Variants in CTC1 observed in about 807,000 individuals in gnomAD.
CTC1 encodes the protein CST telomere replication complex component 1.
A neutral mutation model predicts 136.3 loss-of-function variants in CTC1; 91 were observed. The observed-to-expected ratio is 0.67, with a 90% CI of 0.56 to 0.79. The LOEUF (loss-of-function observed/expected upper bound fraction) is 0.79. CTC1 is among the 30% of genes least tolerant of loss of function. The pLI is 0.00. For synonymous variants in CTC1, 606 were observed against 613.8 expected (o/e 0.99, Z 0.19); for missense variants, 1,432 against 1,498.1 (o/e 0.96, Z 0.73).
intron 1 of CTC1, among the ~76,000 whole-genome samples, chr17:8,243,997 C>A (rs370303302): frequency 6.6e-6 from 1 of 152,016 alleles, no homozygotes; most frequent in Non-Finnish European, 1.5e-5. Context: ...GAGCCTGGGG[C>A]GGTTGAAACT....
chr17:8,234,482 C>T lies in CTC1; in HGVS notation c.1791G>A (p.Leu597=), dbSNP rs1366232378. The stretch of plus-strand genomic sequence containing the variant: ...GGGCTGGGCAGAAGGCAGAGGGCAG[C>T]AGACAGAGCCAGGACCAAGCCAGGC... The part of the protein sequence containing the change: ...NRRLAWSWLC[L]LPSAFCPAQV... Residue 597 remains leucine, a synonymous_variant, in exon 10 of 23, where the codon CTG becomes CTA. Coordinates refer to ENST00000651323, the MANE Select transcript of CTC1 (RefSeq NM_025099.6). The T allele has an allele frequency of 4.5e-6, 7 of 1,552,418 alleles. No homozygotes were observed. Among genetic ancestry groups the T allele is most frequent in the Non-Finnish European group, 5.2e-6 (6 of 1,147,346 alleles).
In CTC1 at chr17:8,229,971, G is replaced by C; in HGVS notation, c.2934-3C>G. 1.2e-6 allele frequency: 2 copies of C among 1,613,926 alleles called. No homozygotes were observed. The highest frequency in any genetic ancestry group is 1.7e-6 in the Non-Finnish European group (2 of 1,179,864). ...AACAACAATAAACATTGTGAGATCTGCAAGTGGAAGAGGAATAGTGAGTGA... is the reference window on the plus strand; with the variant it reads ...AACAACAATAAACATTGTGAGATCTCCAAGTGGAAGAGGAATAGTGAGTGA... On this transcript the variant is annotated splice_region_variant and splice_polypyrimidine_tract_variant and intron_variant, in intron 17 of 22. Coordinates refer to ENST00000651323, the MANE Select transcript of CTC1 (RefSeq NM_025099.6).
rs771428933 is a variant in CTC1 at position 8,230,583 on chromosome 17, G to A, written c.2738C>T (p.Ala913Val). ...LSRTLCEPLV[A>V]SLWMKLGNTG... Reference sequence around the variant, plus strand: ...ATTACCCAGTTTCATCCAGAGAGACGCCACAAGGGGTTCACATAGTGTCCG... The same window carrying A: ...ATTACCCAGTTTCATCCAGAGAGACACCACAAGGGGTTCACATAGTGTCCG... Residue 913 changes from alanine to valine, a missense_variant, in exon 16 of 23, where the codon GCG (alanine) becomes GTG (valine). Ala to Val is a moderately conservative substitution (Grantham distance 64). Transcript: ENST00000651323. 1.4e-5 allele frequency: 23 copies of A among 1,614,058 alleles called. No individual in the cohort carries two copies. Among genetic ancestry groups the A allele is most frequent in the South Asian group, 2.2e-5 (2 of 91,086 alleles).
At chr17:8,246,066 C>T (rs1415772922) in intron 1 of CTC1, among the ~76,000 whole-genome samples, 2 of 151,766 alleles carry the variant, frequency 1.3e-5, no homozygotes, top group Admixed American at 6.6e-5. Flanking sequence ...GTTAGCCTGG[C>T]GTGGTAGCAC....
intron 9 of CTC1, 43 bp from the exon 10 acceptor site, chr17:8,234,698 C>T (rs779802603): frequency 6.3e-7 from 1 of 1,585,136 alleles, no homozygotes; most frequent in Non-Finnish European, 8.6e-7. Flanking sequence ...TCCCATGGGC[C>T]CCAGGTGTCC....
chr17:8,229,497 A>C (rs1200338232), intron 18 of CTC1, 51 bp from the exon 19 acceptor site: 1 of 1,546,396 alleles, frequency 6.5e-7, no homozygotes, highest in East Asian at 2.2e-5. Context: ...CAGAACAGGC[A>C]AAGGGGTTCT....
chr17:8,232,234 G>A lies in CTC1; in HGVS notation c.2061-7C>T, dbSNP rs766368157. ...AAAGAACTGGACATAGACTCTGTTG[G>A]GAGAGACAAGGAATACATTTCTTAG... On this transcript the variant is annotated splice_polypyrimidine_tract_variant and splice_region_variant and intron_variant, in intron 12 of 22. Coordinates refer to ENST00000651323, the MANE Select transcript of CTC1 (RefSeq NM_025099.6). The A allele has an allele frequency of 2.0e-6, 3 of 1,535,808 alleles. No individual in the cohort carries two copies. The highest frequency in any genetic ancestry group is 1.4e-5 in the African/African-American group (1 of 72,308).
Position 8,238,208 on chromosome 17 carries a change from A to G in CTC1, c.470T>C (p.Leu157Pro), listed in dbSNP as rs747551190. The G allele has an allele frequency of 6.2e-7, 1 of 1,611,178 alleles. No homozygotes were observed. The highest frequency in any genetic ancestry group is 1.7e-5 in the Admixed American group (1 of 59,928). ...IDLDLSWLGH[L>P]FLFPRWSYLP... ...GTAACTCCAACGGGGGAACAGAAAA[A>G]GATGGCCCAACCAAGAAAGGTCCAG... Residue 157 changes from leucine (L) to proline (P), a missense_variant, in exon 4 of 23, where the codon CTT (leucine) becomes CCT (proline). Transcript: ENST00000651323.
rs376302717 is a variant in CTC1 at position 8,234,513 on chromosome 17, T to C, written c.1760A>G (p.Asn587Ser). The stretch of plus-strand genomic sequence containing the variant: ...GAGCCAGGACCAAGCCAGGCGGCGA[T>C]TGAGTTGGCAGCTGGGCAGGTAGGA... ...EASYLPSCQL[N>S]RRLAWSWLCL... Residue 587 changes from asparagine to serine, a missense_variant, in exon 10 of 23, where the codon AAT (asparagine) becomes AGT (serine). By Grantham distance (46) the Asn-to-Ser change is conservative. Transcript: ENST00000651323. The C allele has an allele frequency of 7.1e-5, 110 of 1,557,058 alleles. No individual in the cohort carries two copies. Among genetic ancestry groups the C allele is most frequent in the Admixed American group, 2.3e-4 (12 of 51,324 alleles).
At chr17:8,242,033 T>C (rs996225415) in intron 2 of CTC1, among the ~76,000 whole-genome samples, 1 of 151,182 alleles carries the variant, frequency 6.6e-6, no homozygotes, top group Admixed American at 6.6e-5. Flanking sequence ...TGATTATTAT[T>C]ATTATTTTTT....
rs1374790226 is a variant in CTC1, at chr17:8,234,647, C to T, written c.1626G>A (p.Arg542=). The part of the protein sequence containing the change: ...PHHCPLQKYT[R]LQTPSSFPTL... ...TGGGGAAGGAGGAGGGAGTCTGCAG[C>T]CGAGTGTACTGTCAAGGAGGGAAGA... Residue 542 remains arginine, a synonymous_variant, in exon 10 of 23, where the codon CGG becomes CGA. Transcript: ENST00000651323. The T allele has an allele frequency of 3.1e-6, 5 of 1,610,400 alleles. No individual in the cohort carries two copies. Among genetic ancestry groups the T allele is most frequent in the Middle Eastern group, 3.3e-4 (2 of 6,044 alleles).
chr17:8,230,727 A>G (rs1987148408), intron 15 of CTC1, 76 bp from the exon 16 acceptor site: 24 of 1,258,700 alleles, frequency 1.9e-5, no homozygotes, highest in Non-Finnish European at 2.8e-5. Flanking sequence ...TTCAAGGCAG[A>G]AAATGGAGCT....
At chr17:8,236,422 T>G in intron 5 of CTC1, 80 bp from the exon 6 acceptor site, 1 of 1,460,424 alleles carries the variant, frequency 6.8e-7, no homozygotes, top group South Asian at 1.3e-5. Context: ...CCCTCACGAT[T>G]TGAACTCAGA....
rs937705801 is a variant in CTC1 at position 8,226,756 on chromosome 17, T to G, written c.*1424A>C. On this transcript the variant is annotated 3_prime_UTR_variant, in exon 23 of 23. Transcript: ENST00000651323. ...TTCCCTTGACTGACAAACATCTGCC[T>G]CCATGAAAGCGCTTCAGGGAAAAAA... 1.3e-5 allele frequency: 2 copies of G among 152,132 alleles called. No homozygotes were observed. The highest frequency in any genetic ancestry group is 2.4e-5 in the African/African-American group (1 of 41,426). 9.4% of individuals were successfully genotyped at this position (152,132 alleles called of 1,614,324 possible).
chr17:8,238,821 T>C (rs902678868), intron 2 of CTC1, among the ~76,000 whole-genome samples, 192 bp from the exon 3 acceptor site: 28 of 151,844 alleles, frequency 1.8e-4, no homozygotes, highest in African/African-American at 6.8e-4. Context: ...GCCGGGCGAG[T>C]GGCTCACACC....
At chr17:8,235,307 GA>G (rs1987620339) in intron 7 of CTC1, 22 bp from the exon 8 acceptor site, 4 of 1,582,116 alleles carry the variant, frequency 2.5e-6, no homozygotes, top group Middle Eastern at 1.7e-4. Flanking sequence ...CAGAGAAAAT[GA>G]AAAAGCAGAG....
At chr17:8,233,272 G>A (rs898652702) in intron 10 of CTC1, 47 of 475,810 alleles carry the variant, frequency 9.9e-5, no homozygotes, top group African/African-American at 7.3e-4. Context: ...GAGGCCATGC[G>A]GGATCTCACA....
At chr17:8,233,207 G>C (rs541582266) in intron 10 of CTC1, 175 bp from the exon 11 acceptor site, 1 of 637,236 alleles carries the variant, frequency 1.6e-6, no homozygotes, top group Non-Finnish European at 2.7e-6. Flanking sequence ...AAACACACAC[G>C]CATTCACACA....
At chr17:8,230,854 A>C in intron 15 of CTC1, 1 of 579,776 alleles carries the variant, frequency 1.7e-6, no homozygotes, top group Non-Finnish European at 3.1e-6. Flanking sequence ...ATCATTCAAA[A>C]CCCGCACAAG....
Sources: gnomAD v4.1 joint callset for allele counts (sites outside exome capture counted in the v4.1 genomes callset) on GRCh38, gnomAD v4.1.1 for gene constraint, MANE v1.5 for transcripts, NCBI Gene and HGNC (gene_info 2026-07-23, HGNC 2026-07-21) for gene names.